The following C8orf34 variants were observed in gnomAD, a reference collection of about 807,000 sequenced individuals.
C8orf34 encodes chromosome 8 open reading frame 34.
In C8orf34, 65 loss-of-function variants were observed where a neutral mutation model predicts 68.3. The observed-to-expected ratio is 0.95, with a 90% CI of 0.78 to 1.17. The LOEUF is 1.17. C8orf34 is among the 50% of genes most tolerant of loss of function. The pLI, the probability that C8orf34 is intolerant of heterozygous loss-of-function variation, is 0.00. For synonymous variants in C8orf34, 244 were observed against 241.2 expected, an observed-to-expected ratio of 1.01 and a Z score of -0.11; for missense variants, 664 against 655.4, an observed-to-expected ratio of 1.01 and a Z score of -0.14.
At chr8:68,635,537 T>C (rs1818813701) in intron 7 of C8orf34, among the ~76,000 whole-genome samples, 1 of 152,242 alleles carries the variant, frequency 6.6e-6, no homozygotes, top group Non-Finnish European at 1.5e-5. Flanking sequence ...ATTCTTCTTT[T>C]ACATAATCAA....
At chr8:68,441,988 G>A (rs980812111) in intron 2 of C8orf34, among the ~76,000 whole-genome samples, 1 of 152,166 alleles carries the variant, frequency 6.6e-6, no homozygotes, top group African/African-American at 2.4e-5. Context: ...AAGCTTTGGG[G>A]ATGGGTCAAA....
intron 4 of C8orf34, among the ~76,000 whole-genome samples, chr8:68,480,375 G>A (rs562246950): frequency 4.6e-5 from 7 of 151,950 alleles, no homozygotes; most frequent in African/African-American, 1.7e-4. Context: ...ACCTCTTTTT[G>A]TTCCCAGTTT....
At chr8:68,553,394 A>ACAAAAC (rs1554577307) in intron 7 of C8orf34, among the ~76,000 whole-genome samples, 4 of 102,090 alleles carry the variant, frequency 3.9e-5, no homozygotes, top group African/African-American at 1.6e-4. Context: ...CAAAAAAAAA[A>ACAAAAC]AAAAAAAAAA....
chr8:68,488,105 C>T, intron 5 of C8orf34, 54 bp downstream of exon 5: 1 of 1,241,278 alleles, frequency 8.1e-7, no homozygotes, highest in Non-Finnish European at 1.1e-6. Flanking sequence ...ACCTTTTATT[C>T]CACTGTCTCA....
chr8:68,607,936 G>A (rs7013431), intron 7 of C8orf34, among the ~76,000 whole-genome samples: 44,855 of 151,960 alleles, frequency 0.3, 8,439 homozygotes, highest in African/African-American at 0.55. Context: ...ATTATAGAGC[G>A]ACTTTGGAAG....
At chr8:68,417,067 A>G (rs902597835) in intron 1 of C8orf34, among the ~76,000 whole-genome samples, 1 of 152,134 alleles carries the variant, frequency 6.6e-6, no homozygotes, top group Non-Finnish European at 1.5e-5. Flanking sequence ...GATTCTCAGC[A>G]ACTGCTATTA....
At chr8:68,550,010 A>G (rs1192408662) in intron 7 of C8orf34, among the ~76,000 whole-genome samples, 2 of 151,786 alleles carry the variant, frequency 1.3e-5, no homozygotes, top group African/African-American at 4.8e-5. Flanking sequence ...AGTTTCTTGT[A>G]GACAGTACGT....
At chr8:68,755,974 G>A (rs918940920) in intron 10 of C8orf34, among the ~76,000 whole-genome samples, 7 of 152,078 alleles carry the variant, frequency 4.6e-5, no homozygotes, top group African/African-American at 1.4e-4. Context: ...GGCTGAGGCA[G>A]GAGAATGGCG....
chr8:68,652,448 C>T (rs1192268623), intron 8 of C8orf34, among the ~76,000 whole-genome samples: 1 of 152,184 alleles, frequency 6.6e-6, no homozygotes, highest in Non-Finnish European at 1.5e-5. Context: ...TCTGCTATCA[C>T]TTAGGCATGT....
At chr8:68,774,412 A>G (rs1378241297) in intron 10 of C8orf34, among the ~76,000 whole-genome samples, 1 of 151,218 alleles carries the variant, frequency 6.6e-6, no homozygotes, top group African/African-American at 2.5e-5. Context: ...GTGTGCTTTG[A>G]GTTAAATTCC....
chr8:68,331,797 T>TTC (rs1805616918), intron 1 of C8orf34, among the ~76,000 whole-genome samples: 1 of 88,732 alleles, frequency 1.1e-5, no homozygotes, highest in Non-Finnish European at 2.3e-5. Flanking sequence ...TTTTTTTTTT[T>TTC]TTTTTTTTTT....
intron 8 of C8orf34, among the ~76,000 whole-genome samples, chr8:68,652,590 T>C (rs1379504046): frequency 6.6e-6 from 1 of 152,210 alleles, no homozygotes; most frequent in Non-Finnish European, 1.5e-5. Flanking sequence ...TTTTTGTCTA[T>C]GATGTGAGAC....
At chr8:68,450,447 G>A (rs191112090) in intron 3 of C8orf34, among the ~76,000 whole-genome samples, 45 of 152,098 alleles carry the variant, frequency 3.0e-4, no homozygotes, top group African/African-American at 9.2e-4. Flanking sequence ...TTTGCCCCCA[G>A]ATCCGTCAGA....
chr8:68,472,530 AGG>A (rs1008630575), intron 4 of C8orf34, among the ~76,000 whole-genome samples: 1 of 152,132 alleles, frequency 6.6e-6, no homozygotes, highest in Non-Finnish European at 1.5e-5. Flanking sequence ...ACACTCAAAG[AGG>A]AAAAGATGCA....
At chr8:68,701,402 T>A (rs1423273020) in intron 8 of C8orf34, among the ~76,000 whole-genome samples, 1 of 152,146 alleles carries the variant, frequency 6.6e-6, no homozygotes, top group Non-Finnish European at 1.5e-5. Flanking sequence ...CATTTTAAAC[T>A]TACCATATCC....
intron 8 of C8orf34, among the ~76,000 whole-genome samples, chr8:68,654,829 A>T (rs1194254413): frequency 6.6e-6 from 1 of 152,150 alleles, no homozygotes; most frequent in Non-Finnish European, 1.5e-5. Context: ...GCTAGGTCAA[A>T]AGCCATTCTT....
chr8:68,381,980 A>G (rs1416152505), intron 1 of C8orf34, among the ~76,000 whole-genome samples: 1 of 152,200 alleles, frequency 6.6e-6, no homozygotes, highest in Non-Finnish European at 1.5e-5. Flanking sequence ...TTTGGTACTT[A>G]ACAAAATTCA....
At chr8:68,636,153 G>A (rs554982150) in intron 7 of C8orf34, among the ~76,000 whole-genome samples, 4 of 152,110 alleles carry the variant, frequency 2.6e-5, no homozygotes, top group African/African-American at 9.7e-5. Context: ...TTTTGGGAGT[G>A]CATTTGGCTT....
intron 10 of C8orf34, among the ~76,000 whole-genome samples, chr8:68,762,165 A>C (rs1399554948): frequency 6.6e-6 from 1 of 152,182 alleles, no homozygotes; most frequent in Middle Eastern, 3.2e-3. Context: ...TAAGTATGGA[A>C]GGGGCCTTGA....
Sources: allele counts gnomAD v4.1 joint callset (sites outside exome capture counted in the v4.1 genomes callset), GRCh38; gene constraint gnomAD v4.1.1; transcripts MANE v1.5; gene names NCBI Gene and HGNC (gene_info 2026-07-23, HGNC 2026-07-21).